ATIC: variants seen among roughly 807,000 people sequenced by gnomAD.
ATIC encodes 5-aminoimidazole-4-carboxamide ribonucleotide formyltransferase/IMP cyclohydrolase.
ATIC carries 64 observed loss-of-function variants against 72.5 expected under a neutral mutation model. That is an observed-to-expected ratio of 0.88 (90% CI 0.72 to 1.09). The LOEUF (loss-of-function observed/expected upper bound fraction) is 1.09. Among genes scored for constraint, ATIC ranks in the 50% least tolerant of loss-of-function variants. The pLI is 0.00. For missense variants in ATIC, 787 were observed against 732.4 expected, an observed-to-expected ratio of 1.07 and a Z score of -0.86; for synonymous variants, 281 against 267.1, an observed-to-expected ratio of 1.05 and a Z score of -0.51.
intron 7 of ATIC, 82 bp from the exon 8 acceptor site, chr2:215,332,300 C>T: frequency 6.4e-7 from 1 of 1,561,268 alleles, no homozygotes; most frequent in Non-Finnish European, 8.8e-7. Flanking sequence ...TTTGTTTAGT[C>T]ATGTTATTTT....
chr2:215,345,861 G>A (rs1274388481), intron 13 of ATIC, among the ~76,000 whole-genome samples: 1 of 152,212 alleles, frequency 6.6e-6, no homozygotes, highest in East Asian at 1.9e-4. Flanking sequence ...GCCAGCAGCT[G>A]TGCTCAGAAA....
chr2:215,316,566 T>C (rs952134162), intron 2 of ATIC, among the ~76,000 whole-genome samples: 1 of 152,082 alleles, frequency 6.6e-6, no homozygotes, highest in Non-Finnish European at 1.5e-5. Context: ...CATAGTGAGA[T>C]CCCATCTCAA....
At chr2:215,312,197 C>A (rs1247885777) in intron 1 of ATIC, 36 bp downstream of exon 1, 2 of 1,488,336 alleles carry the variant, frequency 1.3e-6, no homozygotes, top group African/African-American at 1.5e-5. Context: ...TCTGCGTCCT[C>A]GCCTGCGGCC....
chr2:215,329,182 T>A (rs2052862869), intron 7 of ATIC, among the ~76,000 whole-genome samples: 1 of 152,226 alleles, frequency 6.6e-6, no homozygotes, highest in Admixed American at 6.5e-5. Context: ...TGAAACTGAT[T>A]TGTCTGCTGT....
Position 215,334,993 on chromosome 2 carries a change from A to G in ATIC, c.997A>G (p.Ile333Val). ...TTGTGATGTACCAACTGCAAAAATT[A>G]TTTCCAGAGAAGTTAGTGGACATTC... is the stretch of plus-strand genomic sequence containing the variant. ...DVCDVPTAKI[I>V]SREVSDGIIA... The change falls in exon 10 of 16, where the codon ATT (isoleucine) becomes GTT (valine). Residue 333 changes from isoleucine to valine, a missense_variant. By Grantham distance (29) the Ile-to-Val change is conservative. Coordinates refer to ENST00000236959, the MANE Select transcript of ATIC (RefSeq NM_004044.7). 1 of 1,612,678 alleles carries G rather than the reference A, an allele frequency of 6.2e-7. No individual in the cohort carries two copies. Among genetic ancestry groups the G allele is most frequent in the Non-Finnish European group, 8.5e-7 (1 of 1,178,932 alleles).
chr2:215,347,122 T>G (rs887889507), intron 14 of ATIC, 181 bp downstream of exon 14: 25 of 852,112 alleles, frequency 2.9e-5, no homozygotes, highest in Non-Finnish European at 3.6e-6. Flanking sequence ...CTCATGTAAC[T>G]TTCTTCATTG....
At chr2:215,318,546 A>T (rs2052734419) in intron 3 of ATIC, among the ~76,000 whole-genome samples, 3 of 152,224 alleles carry the variant, frequency 2.0e-5, no homozygotes, top group Admixed American at 1.3e-4. Flanking sequence ...ATACTTTTAA[A>T]ATAGTTCAAA....
At chr2:215,348,446 A>C (rs2053094392) in intron 14 of ATIC, among the ~76,000 whole-genome samples, 1 of 152,210 alleles carries the variant, frequency 6.6e-6, no homozygotes, top group African/African-American at 2.4e-5. Flanking sequence ...AAGTAGATTT[A>C]AATTAGAGAT....
chr2:215,338,658 T>A, intron 11 of ATIC, 121 bp from the exon 12 acceptor site: 1 of 1,057,302 alleles, frequency 9.5e-7, no homozygotes, highest in Non-Finnish European at 1.3e-6. Flanking sequence ...ATTAGAAAAC[T>A]GTAAAAAATT....
chr2:215,314,876 G>T (rs904576956), intron 2 of ATIC, among the ~76,000 whole-genome samples: 1 of 152,134 alleles, frequency 6.6e-6, no homozygotes, highest in African/African-American at 2.4e-5. Flanking sequence ...GAGAAGACAG[G>T]TTATAATAAG....
rs750202392 is a variant in ATIC, at chr2:215,346,855, G to A, written c.1417G>A (p.Val473Met). 2 of 1,614,058 alleles carry A rather than the reference G, an allele frequency of 1.2e-6. No individual in the cohort carries two copies. The highest frequency in any genetic ancestry group is 2.2e-5 in the East Asian group (1 of 44,894). ...NYWWLRHHPQ[V>M]LSMKFKTGVK... The stretch of plus-strand genomic sequence containing the variant: ...TTGGTGGCTTAGACACCATCCACAA[G>A]TGCTTTCGATGAAGTTTAAAACAGG... Residue 473 changes from valine to methionine, a missense_variant, in exon 14 of 16, where the codon GTG becomes ATG. Physicochemically the swap from Val to Met is conservative, Grantham distance 21 (BLOSUM62 1). Coordinates refer to ENST00000236959, the MANE Select transcript of ATIC (RefSeq NM_004044.7).
At chr2:215,360,318 C>G in the ATIC span, 1 of 152,166 alleles carries the variant, frequency 6.6e-6, no homozygotes, top group African/African-American at 2.4e-5. Context: ...CAGGAGTAAA[C>G]AAACTGTTTA....
intron 9 of ATIC, 134 bp downstream of exon 9, chr2:215,333,591 CT>C: frequency 1.7e-6 from 1 of 585,074 alleles, no homozygotes; most frequent in Non-Finnish European, 2.9e-6. Flanking sequence ...TTAAGGACTT[CT>C]ATCTCTATGT....
chr2:215,346,297 G>T (rs993010742), intron 13 of ATIC, among the ~76,000 whole-genome samples: 9 of 152,078 alleles, frequency 5.9e-5, no homozygotes, highest in African/African-American at 2.2e-4. Flanking sequence ...GAGTAGCTGG[G>T]ACTGCAGGTG....
chr2:215,327,316 A>T (rs542947422), intron 7 of ATIC, among the ~76,000 whole-genome samples: 2 of 152,336 alleles, frequency 1.3e-5, no homozygotes, highest in East Asian at 3.9e-4. Context: ...TGTACTGTGG[A>T]GGAACCAGCA....
Position 215,334,971 on chromosome 2 carries a change from T to C in ATIC, c.975T>C (p.Cys325=), listed in dbSNP as rs748123391. The part of the protein sequence containing the change: ...FGDFVALSDV[C]DVPTAKIISR... The stretch of plus-strand genomic sequence containing the variant: ...ATTTTGTTGCATTGTCCGATGTTTG[T>C]GATGTACCAACTGCAAAAATTATTT... The change falls in exon 10 of 16, where the codon TGT becomes TGC. Residue 325 remains cysteine (C), a synonymous_variant. Transcript: ENST00000236959. 6.2e-7 allele frequency: 1 copy of C among 1,613,654 alleles called. No homozygotes were observed. The highest frequency in any genetic ancestry group is 1.1e-5 in the South Asian group (1 of 91,078).
At chr2:215,362,002 C>G in the ATIC span, 2 of 1,613,920 alleles carry the variant, frequency 1.2e-6, no homozygotes, top group Non-Finnish European at 8.5e-7. Flanking sequence ...TCTGAGAATA[C>G]TGGTTGTAGG....
intron 4 of ATIC, among the ~76,000 whole-genome samples, chr2:215,324,908 C>A (rs764482270): frequency 6.6e-6 from 1 of 152,076 alleles, no homozygotes; most frequent in African/African-American, 2.4e-5. Flanking sequence ...CTTTATACTT[C>A]TATTAAAATG....
At position 215,332,516 on chromosome 2, in the gene ATIC, CTG is replaced by C. The variant is rs1188945552; in HGVS notation, c.814+12_814+13del. ...ACATGTCAGCCCAGCAGGTAAAGCT[CTG>C]TGCTCTGGAAAGCTCCAGAATTGTT... On this transcript the variant is annotated intron_variant, in intron 8 of 15. Transcript: ENST00000236959. 1 of 1,614,026 alleles carries C rather than the reference CTG, an allele frequency of 6.2e-7. No homozygotes were observed. Among genetic ancestry groups the C allele is most frequent in the Non-Finnish European group, 8.5e-7 (1 of 1,179,998 alleles).
Sources: allele counts gnomAD v4.1 joint callset (sites outside exome capture counted in the v4.1 genomes callset), GRCh38; gene constraint gnomAD v4.1.1; transcripts MANE v1.5; gene names NCBI Gene and HGNC (gene_info 2026-07-23, HGNC 2026-07-21).